CSMD3: variants seen among roughly 807,000 people sequenced by gnomAD.
CSMD3 encodes CUB and sushi domain-containing protein 3.
CSMD3 carries 177 observed loss-of-function variants against 435.2 expected under a neutral mutation model. The ratio of observed to expected loss-of-function variants is 0.41; its 90% CI spans 0.36 to 0.46. The LOEUF (loss-of-function observed/expected upper bound fraction) is 0.46. Among genes scored for constraint, CSMD3 ranks in the 20% least tolerant of loss-of-function variants. CSMD3 has a pLI of 0.34. For missense variants in CSMD3, 4,265 were observed against 4,504.6 expected, an observed-to-expected ratio of 0.95 and a Z score of 1.52; for synonymous variants, 1,656 against 1,520.5, an observed-to-expected ratio of 1.09 and a Z score of -2.07.
At chr8:112,247,635 T>A (rs190183053) in intron 63 of CSMD3, among the ~76,000 whole-genome samples, 23 of 152,118 alleles carry the variant, frequency 1.5e-4, no homozygotes, top group Admixed American at 1.4e-3. Flanking sequence ...ATGGAAGATA[T>A]ACTGTTTGTA....
At chr8:112,962,295 T>A (rs2084260736) in intron 7 of CSMD3, among the ~76,000 whole-genome samples, 1 of 151,858 alleles carries the variant, frequency 6.6e-6, no homozygotes, top group Non-Finnish European at 1.5e-5. Flanking sequence ...ACATGAAAAA[T>A]GATAACTAAT....
At chr8:112,466,156 G>T (rs1817937400) in intron 32 of CSMD3, among the ~76,000 whole-genome samples, 1 of 152,186 alleles carries the variant, frequency 6.6e-6, no homozygotes, top group South Asian at 2.1e-4. Context: ...GTTAAAAAGT[G>T]AAGTGTCATA....
At chr8:113,279,458 C>T (rs2093596243) in intron 2 of CSMD3, among the ~76,000 whole-genome samples, 1 of 151,470 alleles carries the variant, frequency 6.6e-6, no homozygotes, top group African/African-American at 2.4e-5. Context: ...TTGGTATTCA[C>T]TCAGTTGTAT....
At chr8:112,932,657 C>T (rs970604450) in intron 9 of CSMD3, among the ~76,000 whole-genome samples, 7 of 151,746 alleles carry the variant, frequency 4.6e-5, no homozygotes, top group Admixed American at 4.6e-4. Flanking sequence ...AAAATAGTTA[C>T]CAGAGGCTGG....
chr8:112,363,647 A>T (rs148496629), intron 38 of CSMD3, among the ~76,000 whole-genome samples: 1 of 152,000 alleles, frequency 6.6e-6, no homozygotes, highest in African/African-American at 2.4e-5. Flanking sequence ...AACCTAGATT[A>T]GGCTAAAACT....
At chr8:113,109,051 A>G (rs1436960437) in intron 4 of CSMD3, among the ~76,000 whole-genome samples, 1 of 152,238 alleles carries the variant, frequency 6.6e-6, no homozygotes, top group Non-Finnish European at 1.5e-5. Flanking sequence ...TGCCATAATC[A>G]AAACAATGGA....
chr8:112,790,634 A>T (rs1019834352), intron 13 of CSMD3, among the ~76,000 whole-genome samples: 1 of 152,078 alleles, frequency 6.6e-6, no homozygotes, highest in Admixed American at 6.6e-5. Context: ...TATATCTTTG[A>T]CATTCTTGTT....
At chr8:113,207,301 T>A (rs915363561) in intron 3 of CSMD3, among the ~76,000 whole-genome samples, 1 of 151,414 alleles carries the variant, frequency 6.6e-6, no homozygotes, top group Non-Finnish European at 1.5e-5. Context: ...TTACAATTTA[T>A]TAAAAAATTA....
chr8:112,694,899 A>T (rs1343970173), intron 13 of CSMD3, among the ~76,000 whole-genome samples: 1 of 152,092 alleles, frequency 6.6e-6, no homozygotes, highest in Non-Finnish European at 1.5e-5. Flanking sequence ...AAGACGGGTG[A>T]TTTCTGCATT....
chr8:112,848,574 G>C (rs2080393478), intron 11 of CSMD3, among the ~76,000 whole-genome samples: 1 of 152,042 alleles, frequency 6.6e-6, no homozygotes, highest in African/African-American at 2.4e-5. Flanking sequence ...TTTGGAATAA[G>C]GGATGGGATG....
intron 38 of CSMD3, among the ~76,000 whole-genome samples, chr8:112,367,539 T>C (rs557305761): frequency 5.9e-5 from 9 of 152,170 alleles, no homozygotes; most frequent in Admixed American, 1.3e-4. Context: ...CCTTTTTCTC[T>C]CTCATCCCCA....
chr8:113,309,657 T>G (rs1282104499), intron 2 of CSMD3: 1 of 152,224 alleles, frequency 6.6e-6, no homozygotes, highest in African/African-American at 2.4e-5. Context: ...ACCATGACTA[T>G]GACCTTGTGA....
At chr8:113,009,628 T>G (rs2086183600) in intron 6 of CSMD3, among the ~76,000 whole-genome samples, 1 of 151,778 alleles carries the variant, frequency 6.6e-6, no homozygotes, top group Non-Finnish European at 1.5e-5. Context: ...TTATGAAAAA[T>G]CTAAACAGTA....
At chr8:113,367,425 T>A (rs904347916) in intron 1 of CSMD3, among the ~76,000 whole-genome samples, 3 of 152,060 alleles carry the variant, frequency 2.0e-5, no homozygotes, top group African/African-American at 7.2e-5. Context: ...TATAAATTTA[T>A]CCATTACATT....
Position 112,460,048 on chromosome 8 carries a change from G to C in CSMD3, c.5395+12543C>G, listed in dbSNP as rs909004080. Among the ~76,000 whole-genome samples the C allele has an allele frequency of 5.3e-5, 8 of 152,088 alleles. 1 individual carries two copies. The highest frequency in any genetic ancestry group is 1.9e-4 in the African/African-American group (8 of 41,502). Reference sequence around the variant, plus strand: ...AGCCTGCCTTAGCTGTTCCTCCTCTGTTTACCCATAGCATGCTTACAAACG... The same window carrying C: ...AGCCTGCCTTAGCTGTTCCTCCTCTCTTTACCCATAGCATGCTTACAAACG... On this transcript the variant is annotated intron_variant, in intron 32 of 70. Coordinates refer to ENST00000297405, the MANE Select transcript of CSMD3 (RefSeq NM_198123.2).
Position 112,928,633 on chromosome 8 carries a change from C to A in CSMD3, c.1509-6882G>T, listed in dbSNP as rs1216001533. Among the ~76,000 whole-genome samples the A allele has an allele frequency of 2.7e-5, 4 of 150,212 alleles. No homozygotes were observed. In the East Asian group the frequency reaches 7.9e-4, roughly 30 times the overall value. ...GACATGAACTCATCATTTTTTATGG[C>A]TGCATAGTATTCCATGGTGTATATG... On this transcript the variant is annotated intron_variant, in intron 9 of 70. Transcript: ENST00000297405.
intron 12 of CSMD3, among the ~76,000 whole-genome samples, chr8:112,807,909 C>G (rs1173044595): frequency 6.6e-6 from 1 of 152,038 alleles, no homozygotes; most frequent in Non-Finnish European, 1.5e-5. Flanking sequence ...TGAAAATTAC[C>G]TAATAAAGTA....
At chr8:112,742,787 C>G (rs1365285379) in intron 13 of CSMD3, among the ~76,000 whole-genome samples, 1 of 151,778 alleles carries the variant, frequency 6.6e-6, no homozygotes, top group Non-Finnish European at 1.5e-5. Context: ...TTTTTGAGAA[C>G]TGATTCTACT....
chr8:112,260,400 T>C (rs1451666101), intron 61 of CSMD3, among the ~76,000 whole-genome samples: 1 of 152,198 alleles, frequency 6.6e-6, no homozygotes, highest in African/African-American at 2.4e-5. Flanking sequence ...TAAAATGTCA[T>C]GACTAATCCT....
Sources: gnomAD v4.1 joint callset for allele counts (sites outside exome capture counted in the v4.1 genomes callset) on GRCh38, gnomAD v4.1.1 for gene constraint, MANE v1.5 for transcripts, NCBI Gene and HGNC (gene_info 2026-07-23, HGNC 2026-07-21) for gene names.